Variants in ESS2 observed in about 807,000 individuals in gnomAD.
The protein encoded by ESS2 is ess-2 spliceosome associated protein.
In ESS2, 31 loss-of-function variants were observed where a neutral mutation model predicts 52.0. The ratio of observed to expected loss-of-function variants is 0.60; its 90% CI spans 0.45 to 0.81. The LOEUF (loss-of-function observed/expected upper bound fraction) is 0.81. Among genes scored for constraint, ESS2 ranks in the 30% least tolerant of loss-of-function variants. The pLI is 0.00. For synonymous variants in ESS2, 285 were observed against 259.2 expected (o/e 1.10, Z -0.95); for missense variants, 602 against 637.2 (o/e 0.94, Z 0.59).
intron 3 of ESS2, among the ~76,000 whole-genome samples, chr22:19,142,227 T>C (rs1387054866): frequency 2.0e-5 from 3 of 152,162 alleles, no homozygotes; most frequent in African/African-American, 7.2e-5. Context: ...CCCTGAGGCA[T>C]CTTCAGGATA....
intron 3 of ESS2, among the ~76,000 whole-genome samples, chr22:19,141,275 T>C (rs1416839131): frequency 6.6e-6 from 1 of 152,242 alleles, no homozygotes; most frequent in Admixed American, 6.5e-5. Context: ...GTTTGCATGT[T>C]TGTGCAAACA....
intron 1 of ESS2, chr22:19,144,007 A>G (rs955858548): frequency 5.6e-5 from 55 of 986,032 alleles, no homozygotes; most frequent in Non-Finnish European, 6.6e-5. Flanking sequence ...CCATCCATCT[A>G]CATATCCCAA....
At position 19,132,119 on chromosome 22, in the gene ESS2, C is replaced by T. The variant is rs750063286; in HGVS notation, c.*2077G>A. 1 of 1,612,852 alleles carries T rather than the reference C, an allele frequency of 6.2e-7. No individual in the cohort carries two copies. The highest frequency in any genetic ancestry group is 8.5e-7 in the Non-Finnish European group (1 of 1,178,942). On this transcript the variant is annotated 3_prime_UTR_variant, in exon 10 of 10. Coordinates refer to ENST00000252137, the MANE Select transcript of ESS2 (RefSeq NM_022719.3). This position sits in a 1 kb window ranked among gnomAD's most constrained non-coding sequence, Gnocchi z 4.2. ...GTGTGGACTTCCCGCGCTCCAAGAA[C>T]CTGACCTGCGAGTGCAAGGACCTCA...
At chr22:19,144,427 A>C in intron 1 of ESS2, 79 bp downstream of exon 1, 1 of 1,597,788 alleles carries the variant, frequency 6.3e-7, no homozygotes, top group South Asian at 1.1e-5. Context: ...GAGTGTCAAC[A>C]CCCGAGAGAG....
chr22:19,132,264 G>C lies in ESS2; in HGVS notation c.*1932C>G. The C allele has an allele frequency of 6.2e-7, 1 of 1,612,694 alleles. No homozygotes were observed. Among genetic ancestry groups the C allele is most frequent in the Non-Finnish European group, 8.5e-7 (1 of 1,179,182 alleles). On this transcript the variant is annotated 3_prime_UTR_variant, in exon 10 of 10. Transcript: ENST00000252137. The surrounding 1 kb of genome is among the most constrained non-coding windows in gnomAD (Gnocchi z 4.2). ...GTCTTCTGCCTCCTTCAAGAGGGAG[G>C]GGGAGGGCAAGTACCGCGCTGAGTG...
chr22:19,134,055 G>T lies in ESS2; in HGVS notation c.*141C>A. 2 of 1,057,974 alleles carry T rather than the reference G, an allele frequency of 1.9e-6. No individual in the cohort carries two copies. Among genetic ancestry groups the T allele is most frequent in the Non-Finnish European group, 2.5e-6 (2 of 805,898 alleles). 65.5% of individuals were successfully genotyped at this position (1,057,974 alleles called of 1,614,324 possible). On this transcript the variant is annotated 3_prime_UTR_variant, in exon 10 of 10. Coordinates refer to ENST00000252137, the MANE Select transcript of ESS2 (RefSeq NM_022719.3). ...CTTGTGCCAGTCTGGCCCCAGCACA[G>T]CCCCTTTCTCCAGTGACTCCTGGTA...
At position 19,137,322 on chromosome 22, in the gene ESS2, C is replaced by A; in HGVS notation, c.1035+1G>T. On this transcript the variant is annotated splice_donor_variant, in intron 8 of 9. Coordinates refer to ENST00000252137, the MANE Select transcript of ESS2 (RefSeq NM_022719.3). LOFTEE classifies it high-confidence loss of function. Reference sequence around the variant, plus strand: ...ACAGTTCCCCCATCACCACAACCCACCTTAAAAGCTGGGCCGGGTGTCCTG... The same window carrying A: ...ACAGTTCCCCCATCACCACAACCCAACTTAAAAGCTGGGCCGGGTGTCCTG... The A allele has an allele frequency of 1.2e-6, 2 of 1,609,882 alleles. No homozygotes were observed. Among genetic ancestry groups the A allele is most frequent in the Non-Finnish European group, 1.7e-6 (2 of 1,177,228 alleles).
rs1408892667 is a variant in ESS2 at position 19,139,038 on chromosome 22, G to C, written c.822+121C>G. 39 of 1,331,180 alleles carry C rather than the reference G, an allele frequency of 2.9e-5. No individual in the cohort carries two copies. In the East Asian group the frequency reaches 8.6e-4, roughly 29 times the overall value. The allele number at this position is 1,331,180 out of a possible 1,614,324, so 82.5% of individuals were successfully genotyped here. Reference sequence around the variant, plus strand: ...AAAGACTCAGGATCCTGCCGCACAGGGCCCCAGATGGTTCCACTCACTGAG... The same window carrying C: ...AAAGACTCAGGATCCTGCCGCACAGCGCCCCAGATGGTTCCACTCACTGAG... On this transcript the variant is annotated intron_variant, in intron 6 of 9. Transcript: ENST00000252137.
rs71328291 is a variant in ESS2 at position 19,140,884 on chromosome 22, C to T, written c.401-860G>A. Among the ~76,000 whole-genome samples the T allele has an allele frequency of 7.5e-4, 114 of 152,358 alleles. No homozygotes were observed. The Middle Eastern group carries it at 0.01, about 14-fold the overall frequency. On this transcript the variant is annotated intron_variant, in intron 3 of 9. Transcript: ENST00000252137. ...GAGACCTGCAGAAGTGACTGCCTTTCTGAGCCTCAGTTTCCTCACCTGTAA... is the reference window on the plus strand; with the variant it reads ...GAGACCTGCAGAAGTGACTGCCTTTTTGAGCCTCAGTTTCCTCACCTGTAA...
rs768922267 is a variant in ESS2 at position 19,134,302 on chromosome 22, G to A, written c.1325C>T (p.Pro442Leu). 45 of 1,604,374 alleles carry A rather than the reference G, an allele frequency of 2.8e-5. No individual in the cohort carries two copies. Among genetic ancestry groups the A allele is most frequent in the Non-Finnish European group, 3.4e-5 (40 of 1,174,850 alleles). ...ASGLQTPTST[P>L]APGSATRTPL... ...GGTGCGTGTGGCAGAGCCAGGCGCC[G>A]GTGTGCTTGTGGGGGTCTGCAGCCC... is the stretch of plus-strand genomic sequence containing the variant. Residue 442 changes from proline (P) to leucine (L), a missense_variant, in exon 10 of 10, where the codon CCG becomes CTG. Transcript: ENST00000252137.
Position 19,133,929 on chromosome 22 carries a change from C to T in ESS2, c.*267G>A, listed in dbSNP as rs1332930667. 2.7e-6 allele frequency: 1 copy of T among 365,096 alleles called. No homozygotes were observed. The highest frequency in any genetic ancestry group is 4.8e-6 in the Non-Finnish European group (1 of 206,620). 22.6% of individuals were successfully genotyped at this position (365,096 alleles called of 1,614,324 possible). A position where few individuals can be genotyped will look rare whatever the true frequency, so the allele number is the denominator to read the frequency against. Reference sequence around the variant, plus strand: ...GTGGGGAGCAAGATGGAGAGGCAACCCCCCAGACTGTACCTAGGTGTTCTT... The same window carrying T: ...GTGGGGAGCAAGATGGAGAGGCAACTCCCCAGACTGTACCTAGGTGTTCTT... On this transcript the variant is annotated 3_prime_UTR_variant, in exon 10 of 10. Transcript: ENST00000252137.
chr22:19,140,002 C>T lies in ESS2; in HGVS notation c.423G>A (p.Glu141=), dbSNP rs550109491. 5.8e-5 allele frequency: 94 copies of T among 1,613,778 alleles called. No homozygotes were observed. The highest frequency in any genetic ancestry group is 1.5e-4 in the African/African-American group (11 of 75,054). ...LEDGEAGEEE[E]KEPLPSLDVF... is the part of the protein sequence containing the mutation. ...CATCTAGGCTGGGCAGCGGCTCCTT[C>T]TCCTCCTCCTCTCCAGCCTCTCCTG... The change falls in exon 4 of 10, where the codon GAG becomes GAA. Residue 141 remains glutamate, a synonymous_variant. Coordinates refer to ENST00000252137, the MANE Select transcript of ESS2 (RefSeq NM_022719.3).
chr22:19,134,687 G>A (rs929283), intron 9 of ESS2, among the ~76,000 whole-genome samples: 2,809 of 152,170 alleles, frequency 0.018, 94 homozygotes, highest in East Asian at 0.062. Context: ...CAGCAGCACC[G>A]CCCTTGGCTG....
Position 19,142,546 on chromosome 22 carries a change from A to AGGCCTC in ESS2, c.386_391dup (p.Arg129_Gly130dup), listed in dbSNP as rs750117517. ...AGGGCACCCTCACTCACCATCCTCC[A>AGGCCTC]GGCCTCGGCCGCGGGGCCTGGGCTT... On this transcript the variant is annotated inframe_insertion, in exon 3 of 10. Coordinates refer to ENST00000252137, the MANE Select transcript of ESS2 (RefSeq NM_022719.3). 11 of 1,604,464 alleles carry AGGCCTC rather than the reference A, an allele frequency of 6.9e-6. No individual in the cohort carries two copies. Among genetic ancestry groups the AGGCCTC allele is most frequent in the Non-Finnish European group, 9.4e-6 (11 of 1,176,438 alleles).
chr22:19,142,440 G>A (rs2083703128), intron 3 of ESS2, 98 bp downstream of exon 3: 2 of 1,075,560 alleles, frequency 1.9e-6, no homozygotes, highest in South Asian at 3.1e-5. Context: ...GGAACAAGAT[G>A]TGGCCTGCAG....
In ESS2 at chr22:19,131,648, C is replaced by T. The variant is rs75077908; in HGVS notation, c.*2548G>A. The T allele has an allele frequency of 1.1e-3, 1,701 of 1,614,088 alleles. 17 individuals carry two copies. In the Admixed American group the frequency reaches 0.021, roughly 20 times the overall value. ...CTTACGAGATCTTTGAGACCTCTGA[C>T]GGACGGATCTACATCATCATGGAGC... On this transcript the variant is annotated 3_prime_UTR_variant, in exon 10 of 10. Coordinates refer to ENST00000252137, the MANE Select transcript of ESS2 (RefSeq NM_022719.3). This position sits in a 1 kb window ranked among gnomAD's most constrained non-coding sequence, Gnocchi z 5.7.
At chr22:19,137,617 C>T (rs1438924769) in intron 7 of ESS2, 185 bp from the exon 8 acceptor site, 2 of 658,364 alleles carry the variant, frequency 3.0e-6, no homozygotes, top group East Asian at 1.4e-4. Context: ...TGCCAAGCTC[C>T]CAGCAGGCCC....
Position 19,132,046 on chromosome 22 carries a change from A to G in ESS2, c.*2150T>C, listed in dbSNP as rs780346057. On this transcript the variant is annotated 3_prime_UTR_variant, in exon 10 of 10. Transcript: ENST00000252137. The surrounding 1 kb of genome is among the most constrained non-coding windows in gnomAD (Gnocchi z 4.2). ...ATCATGGTCTGCGGCTCCATGCCCT[A>G]TGACGACTCCGACATCAGGAAGATG... is the stretch of plus-strand genomic sequence containing the variant. 6.2e-6 allele frequency: 10 copies of G among 1,613,910 alleles called. No individual in the cohort carries two copies. The highest frequency in any genetic ancestry group is 5.0e-5 in the Admixed American group (3 of 59,998).
In ESS2 at chr22:19,134,282, G is replaced by C. The variant is rs551191358; in HGVS notation, c.1345C>G (p.Arg449Gly). Residue 449 changes from arginine (R) to glycine (G), a missense_variant, in exon 10 of 10, where the codon CGC becomes GGC. By Grantham distance (125) the Arg-to-Gly change is moderately radical. Coordinates refer to ENST00000252137, the MANE Select transcript of ESS2 (RefSeq NM_022719.3). ...TSTPAPGSATRTPLTQDPASI... is the reference protein window; with the variant it reads ...TSTPAPGSATGTPLTQDPASI... ...GCCGGGTCCTGTGTGAGAGGGGTGC[G>C]TGTGGCAGAGCCAGGCGCCGGTGTG... is the stretch of plus-strand genomic sequence containing the variant. 8.8e-6 allele frequency: 14 copies of C among 1,595,868 alleles called. No homozygotes were observed. Among genetic ancestry groups the C allele is most frequent in the Non-Finnish European group, 8.5e-6 (10 of 1,169,874 alleles).
Sources: allele counts gnomAD v4.1 joint callset (sites outside exome capture counted in the v4.1 genomes callset), GRCh38; gene constraint gnomAD v4.1.1; non-coding constraint Gnocchi (gnomAD v3.1); transcripts MANE v1.5; gene names NCBI Gene and HGNC (gene_info 2026-07-23, HGNC 2026-07-21).